TENM2: variants seen among roughly 807,000 people sequenced by gnomAD.
TENM2 encodes teneurin-2.
TENM2 carries 52 observed loss-of-function variants against 245.2 expected under a neutral mutation model. The ratio of observed to expected loss-of-function variants is 0.21; its 90% CI spans 0.17 to 0.27. The LOEUF (loss-of-function observed/expected upper bound fraction) is 0.27, where lower values mean the gene tolerates loss of function less well. Among genes scored for constraint, TENM2 ranks in the 10% least tolerant of loss-of-function variants. TENM2 has a pLI of 1.00. For missense variants in TENM2, 3,046 were observed against 3,666.8 expected (o/e 0.83, Z 4.37); for synonymous variants, 1,363 against 1,438.9 (o/e 0.95, Z 1.19).
At chr5:167,997,914 C>T (rs761146544) in intron 5 of TENM2, among the ~76,000 whole-genome samples, 2 of 152,168 alleles carry the variant, frequency 1.3e-5, no homozygotes, top group Non-Finnish European at 2.9e-5. Flanking sequence ...AGAGTCCAAC[C>T]ATATGTCCAC....
At chr5:167,206,167 G>A in the TENM2 span, among the ~76,000 whole-genome samples, 23 of 152,238 alleles carry the variant, frequency 1.5e-4, no homozygotes, top group Non-Finnish European at 2.2e-4. Context: ...ATCCAACTGC[G>A]CCATCTGGAT....
At chr5:167,712,122 T>A (rs1211403118) in intron 2 of TENM2, among the ~76,000 whole-genome samples, 1 of 150,742 alleles carries the variant, frequency 6.6e-6, no homozygotes, top group Non-Finnish European at 1.5e-5. Context: ...TAAGCTCCAA[T>A]CAACTCGATC....
At chr5:167,113,333 G>A in the TENM2 span, among the ~76,000 whole-genome samples, 3 of 152,026 alleles carry the variant, frequency 2.0e-5, no homozygotes, top group East Asian at 1.9e-4. Flanking sequence ...AGGCTTAGGC[G>A]ATTCATGCTT....
intron 2 of TENM2, among the ~76,000 whole-genome samples, chr5:167,427,701 AAGGGACGGG>A: frequency 9.0e-6 from 1 of 111,020 alleles, no homozygotes; most frequent in African/African-American, 4.4e-5. Context: ...GAAGGGAAGG[AAGGGACGGG>A]AGGGAAGGAA....
At chr5:167,073,912 C>T in the TENM2 span, among the ~76,000 whole-genome samples, 1 of 152,162 alleles carries the variant, frequency 6.6e-6, no homozygotes, top group African/African-American at 2.4e-5. Context: ...AACTGGTGTT[C>T]TCCATATATT....
chr5:167,962,156 A>G (rs142435070), intron 4 of TENM2, among the ~76,000 whole-genome samples: 1 of 152,288 alleles, frequency 6.6e-6, no homozygotes, highest in Non-Finnish European at 1.5e-5. Flanking sequence ...TCTGGTCTAG[A>G]GTCCTTCTTC....
intron 14 of TENM2, 194 bp downstream of exon 16, chr5:168,190,741 G>A (rs988616154): frequency 2.3e-5 from 12 of 510,850 alleles, no homozygotes; most frequent in Non-Finnish European, 3.5e-5. Context: ...GAGCCCTAGT[G>A]TCTTTGCAGG....
intron 9 of TENM2, among the ~76,000 whole-genome samples, chr5:168,099,993 GA>G (rs1165307231): frequency 2.0e-5 from 3 of 152,186 alleles, no homozygotes; most frequent in Non-Finnish European, 4.4e-5. Flanking sequence ...TAGCAATTGT[GA>G]ATGGGAGTTC....
chr5:167,158,906 T>TCCTC, the TENM2 span, among the ~76,000 whole-genome samples: 9 of 128,408 alleles, frequency 7.0e-5, no homozygotes, highest in Non-Finnish European at 1.3e-4. Flanking sequence ...CTTCCTTCCT[T>TCCTC]CCTCTTCCTC....
the TENM2 span, among the ~76,000 whole-genome samples, chr5:167,236,103 C>A: frequency 8.5e-5 from 13 of 152,126 alleles, no homozygotes; most frequent in East Asian, 3.9e-4. Flanking sequence ...CTCTCATCAA[C>A]AAAGGAAGTA....
At chr5:167,887,675 G>A (rs888793898) in intron 3 of TENM2, among the ~76,000 whole-genome samples, 7 of 152,206 alleles carry the variant, frequency 4.6e-5, no homozygotes, top group Admixed American at 4.6e-4. Context: ...CTTGGAAATA[G>A]TTGCTTTCAT....
intron 6 of TENM2, among the ~76,000 whole-genome samples, chr5:168,054,569 G>C (rs1173059460): frequency 6.6e-6 from 1 of 152,230 alleles, no homozygotes; most frequent in African/African-American, 2.4e-5. Context: ...GTATTAATAT[G>C]AGGCTTCATT....
At chr5:167,509,515 G>A (rs1160917478) in intron 2 of TENM2, among the ~76,000 whole-genome samples, 1 of 152,008 alleles carries the variant, frequency 6.6e-6, no homozygotes, top group Non-Finnish European at 1.5e-5. Context: ...GTTTACTTTT[G>A]TTCGATTATT....
intron 1 of TENM2, among the ~76,000 whole-genome samples, chr5:167,332,719 T>C (rs1037493431): frequency 1.3e-5 from 2 of 152,208 alleles, no homozygotes; most frequent in Non-Finnish European, 2.9e-5. Context: ...CAAAAAAACC[T>C]AATTAGCGCA....
intron 2 of TENM2, among the ~76,000 whole-genome samples, chr5:167,816,823 C>T (rs1393270653): frequency 1.4e-5 from 2 of 143,954 alleles, no homozygotes; most frequent in African/African-American, 2.5e-5. Flanking sequence ...CAGAATGACC[C>T]GGGTGAAGTA....
intron 2 of TENM2, among the ~76,000 whole-genome samples, chr5:167,750,760 G>A (rs1446348473): frequency 1.3e-5 from 2 of 152,084 alleles, no homozygotes; most frequent in Non-Finnish European, 2.9e-5. Context: ...CAGCATTACA[G>A]TGGTTTCTCC....
chr5:167,713,437 G>A lies in TENM2; in HGVS notation c.503-162549G>A, dbSNP rs6878948. Among the ~76,000 whole-genome samples, 1,043 of 151,636 alleles carry A rather than the reference G, an allele frequency of 6.9e-3. 16 individuals carry two copies. The highest frequency in any genetic ancestry group is 0.024 in the African/African-American group (991 of 41,346). ...CTGGTGAATCATTTCACGAATTTGG[G>A]CATGGGTACTGATCTCATACATCAA... On this transcript the variant is annotated intron_variant, in intron 2 of 28. Transcript: ENST00000518659.
At chr5:167,119,331 A>G in the TENM2 span, 5 of 152,260 alleles carry the variant, frequency 3.3e-5, no homozygotes, top group South Asian at 1.0e-3. Context: ...GAAAAAGTTC[A>G]GAGATGGGCA....
At chr5:167,577,173 T>C (rs1238244676) in intron 2 of TENM2, among the ~76,000 whole-genome samples, 1 of 152,140 alleles carries the variant, frequency 6.6e-6, no homozygotes, top group Non-Finnish European at 1.5e-5. Context: ...ATGACCTCTA[T>C]CTATGGGAGT....
Sources: allele counts gnomAD v4.1 joint callset (sites outside exome capture counted in the v4.1 genomes callset), GRCh38; gene constraint gnomAD v4.1.1; transcripts MANE v1.5; gene names NCBI Gene and HGNC (gene_info 2026-07-23, HGNC 2026-07-21).